The following ESRRG variants were observed in gnomAD, a reference collection of about 807,000 sequenced individuals.
The protein encoded by ESRRG is estrogen-related receptor gamma.
In ESRRG, 13 loss-of-function variants were observed where a neutral mutation model predicts 44.0. The observed-to-expected ratio is 0.30, with a 90% confidence interval of 0.19 to 0.47. ESRRG has a LOEUF of 0.47. Ranked by LOEUF, ESRRG falls within the 20% of genes least tolerant of loss-of-function variation. ESRRG has a pLI of 1.00. For missense variants in ESRRG, 395 were observed against 580.6 expected (o/e 0.68, Z 3.29); for synonymous variants, 215 against 214.6 (o/e 1.00, Z -0.02).
chr1:216,868,926 A>T (rs925127221), intron 2 of ESRRG, among the ~76,000 whole-genome samples: 1 of 152,156 alleles, frequency 6.6e-6, no homozygotes, highest in East Asian at 1.9e-4. Flanking sequence ...TAGTTTTCTT[A>T]CTACTCAGTC....
intron 3 of ESRRG, among the ~76,000 whole-genome samples, chr1:216,582,201 A>G (rs952362949): frequency 6.6e-6 from 1 of 152,208 alleles, no homozygotes; most frequent in Non-Finnish European, 1.5e-5. Flanking sequence ...AACATTTCAA[A>G]CAAGAGTAAA....
intron 2 of ESRRG, among the ~76,000 whole-genome samples, chr1:216,793,263 C>T (rs2094375967): frequency 6.6e-6 from 1 of 152,114 alleles, no homozygotes; most frequent in South Asian, 2.1e-4. Flanking sequence ...TTCCCCTATC[C>T]TGGTATTTAT....
At chr1:217,081,923 T>A (rs753074716) in intron 1 of ESRRG, among the ~76,000 whole-genome samples, 1 of 152,350 alleles carries the variant, frequency 6.6e-6, no homozygotes, top group East Asian at 1.9e-4. Flanking sequence ...ATATTTGAGA[T>A]AAAGAACACA....
chr1:216,640,544 C>G (rs1277161884), intron 3 of ESRRG, among the ~76,000 whole-genome samples: 1 of 151,902 alleles, frequency 6.6e-6, no homozygotes, highest in Non-Finnish European at 1.5e-5. Context: ...AACTACAGAA[C>G]AGTCTCTCAA....
At chr1:217,109,518 G>A (rs996556939) in intron 1 of ESRRG, among the ~76,000 whole-genome samples, 6 of 152,164 alleles carry the variant, frequency 3.9e-5, no homozygotes, top group Non-Finnish European at 7.4e-5. Context: ...TAGTTCCGCA[G>A]ATACCATTAA....
At chr1:216,630,348 A>T (rs761653540) in intron 3 of ESRRG, among the ~76,000 whole-genome samples, 1 of 152,030 alleles carries the variant, frequency 6.6e-6, no homozygotes, top group Non-Finnish European at 1.5e-5. Flanking sequence ...TTACAGTTAG[A>T]CTTTGGAAGT....
rs181445299 is a variant in ESRRG, at chr1:216,603,349, A to G, written c.590-35251T>C. Among the ~76,000 whole-genome samples, 240 of 152,328 alleles carry G rather than the reference A, an allele frequency of 1.6e-3. 1 individual carries two copies. The highest frequency in any genetic ancestry group is 5.6e-3 in the African/African-American group (232 of 41,572). ...AAAGACTGATACAATCTGTGAACTGACCCTAACTTTCATTGAAGTAGCATG... is the reference window on the plus strand; with the variant it reads ...AAAGACTGATACAATCTGTGAACTGGCCCTAACTTTCATTGAAGTAGCATG... On this transcript the variant is annotated intron_variant, in intron 3 of 6. Transcript: ENST00000408911.
chr1:216,749,265 A>G (rs2091767548), intron 2 of ESRRG, among the ~76,000 whole-genome samples: 1 of 151,998 alleles, frequency 6.6e-6, no homozygotes, highest in South Asian at 2.1e-4. Context: ...ACCAATGACC[A>G]ATGCTCCCCA....
chr1:216,736,020 A>G (rs1332499728), intron 2 of ESRRG, among the ~76,000 whole-genome samples: 1 of 149,416 alleles, frequency 6.7e-6, no homozygotes, highest in Non-Finnish European at 1.5e-5. Flanking sequence ...ACACATACAT[A>G]TATTTGCTTT....
chr1:217,033,122 G>A (rs2082316102), intron 1 of ESRRG, among the ~76,000 whole-genome samples: 1 of 152,214 alleles, frequency 6.6e-6, no homozygotes, highest in South Asian at 2.1e-4. Context: ...CAAGTCCTCA[G>A]CAAGGGCTTT....
chr1:217,058,942 A>C (rs1169399321), intron 1 of ESRRG, among the ~76,000 whole-genome samples: 1 of 148,580 alleles, frequency 6.7e-6, no homozygotes, highest in Non-Finnish European at 1.5e-5. Context: ...ATAAACTAAT[A>C]AAAACTATAA....
At chr1:216,778,745 C>T (rs1366736325) in intron 2 of ESRRG, among the ~76,000 whole-genome samples, 1 of 151,920 alleles carries the variant, frequency 6.6e-6, no homozygotes, top group Non-Finnish European at 1.5e-5. Flanking sequence ...CCTTCCTCTA[C>T]TTTTGAGAGC....
chr1:216,996,256 G>T (rs1272884755), intron 1 of ESRRG, among the ~76,000 whole-genome samples: 1 of 152,082 alleles, frequency 6.6e-6, no homozygotes. Flanking sequence ...GGAAGAGTTA[G>T]ATAAGATGAT....
intron 2 of ESRRG, among the ~76,000 whole-genome samples, chr1:216,904,876 A>G (rs2059514504): frequency 6.6e-6 from 1 of 152,120 alleles, no homozygotes; most frequent in African/African-American, 2.4e-5. Flanking sequence ...ACGAAACAGA[A>G]AGTTACCCTC....
intron 2 of ESRRG, among the ~76,000 whole-genome samples, chr1:216,853,553 A>G (rs1389757745): frequency 1.3e-5 from 2 of 152,018 alleles, no homozygotes; most frequent in Admixed American, 1.3e-4. Context: ...GTCTTTATTC[A>G]TGCAGCCCCA....
intron 1 of ESRRG, among the ~76,000 whole-genome samples, chr1:216,972,878 T>C (rs1475921477): frequency 6.6e-6 from 1 of 152,186 alleles, no homozygotes; most frequent in East Asian, 1.9e-4. Flanking sequence ...GATATTAAAA[T>C]GAGAGATTAA....
At chr1:217,026,830 AC>A (rs1560516844) in intron 1 of ESRRG, among the ~76,000 whole-genome samples, 1 of 150,744 alleles carries the variant, frequency 6.6e-6, no homozygotes. Context: ...CAAAAGGACC[AC>A]CCTGCCAATC....
intron 1 of ESRRG, among the ~76,000 whole-genome samples, chr1:217,044,720 A>G (rs1315831907): frequency 1.3e-5 from 2 of 152,236 alleles, no homozygotes; most frequent in Admixed American, 1.3e-4. Context: ...CTGCAGGAAA[A>G]TGGACTTCCT....
intron 2 of ESRRG, among the ~76,000 whole-genome samples, chr1:216,880,272 A>C (rs2096423004): frequency 8.0e-6 from 1 of 125,578 alleles, no homozygotes; most frequent in Non-Finnish European, 1.6e-5. Context: ...GTGCCACTGC[A>C]CTCCAGCCTG....
Sources: allele counts gnomAD v4.1 joint callset (sites outside exome capture counted in the v4.1 genomes callset), GRCh38; gene constraint gnomAD v4.1.1; transcripts MANE v1.5; gene names NCBI Gene and HGNC (gene_info 2026-07-23, HGNC 2026-07-21).